Variants in LIPI observed in about 807,000 individuals in gnomAD.
The protein encoded by LIPI is lipase I.
LIPI carries 59 observed loss-of-function variants against 50.6 expected under a neutral mutation model. The observed-to-expected ratio is 1.16, with a 90% CI of 0.94 to 1.45. LIPI has a LOEUF of 1.45. Ranked by LOEUF, LIPI falls within the 40% of genes most tolerant of loss-of-function variation. LIPI has a pLI of 0.00. For synonymous variants in LIPI, 203 were observed against 178.2 expected (o/e 1.14, Z -1.11); for missense variants, 586 against 536.3 (o/e 1.09, Z -0.92).
intron 5 of LIPI, among the ~76,000 whole-genome samples, chr21:14,165,982 A>G (rs542162876): frequency 3.5e-4 from 54 of 152,332 alleles, no homozygotes; most frequent in Non-Finnish European, 4.9e-4. Flanking sequence ...TCAAGTGTCA[A>G]GAGTTTTTAC....
chr21:14,152,533 A>G (rs771064030), intron 8 of LIPI, 40 bp downstream of exon 8: 1 of 983,072 alleles, frequency 1.0e-6, no homozygotes, highest in Non-Finnish European at 1.6e-6. Flanking sequence ...GAAAGCAAAC[A>G]TTGAATATAT....
At chr21:14,114,273 C>T (rs746429571) in intron 9 of LIPI, among the ~76,000 whole-genome samples, 5 of 152,086 alleles carry the variant, frequency 3.3e-5, no homozygotes, top group Non-Finnish European at 7.4e-5. Context: ...CAATTATCTC[C>T]ACCAGGTCCC....
rs138210312 is a variant in LIPI, at chr21:14,158,655, A to T, written c.1006+4764T>A. Among the ~76,000 whole-genome samples the T allele has an allele frequency of 3.6e-3, 541 of 149,292 alleles. 4 individuals carry two copies. The highest frequency in any genetic ancestry group is 0.012 in the African/African-American group (509 of 41,162). ...TATATATATAGAGAGAGAACAAAGC[A>T]GAAATTAATGAAATTTAATAACAGA... On this transcript the variant is annotated intron_variant, in intron 7 of 9. Transcript: ENST00000681601.
chr21:14,158,613 A>G (rs1337073389), intron 7 of LIPI, among the ~76,000 whole-genome samples: 1 of 148,618 alleles, frequency 6.7e-6, no homozygotes, highest in East Asian at 1.9e-4. Flanking sequence ...TAAAATATAT[A>G]TATGTGTGTG....
chr21:14,161,232 G>A (rs2018449531), intron 7 of LIPI, among the ~76,000 whole-genome samples: 1 of 149,836 alleles, frequency 6.7e-6, no homozygotes, highest in Non-Finnish European at 1.5e-5. Context: ...TCTTCAACAG[G>A]TGATTGGTTA....
At chr21:14,137,326 A>C (rs2123028518) in intron 9 of LIPI, among the ~76,000 whole-genome samples, 1 of 152,334 alleles carries the variant, frequency 6.6e-6, no homozygotes, top group African/African-American at 2.4e-5. Flanking sequence ...GGAAACTAAA[A>C]GGAATTCAAA....
chr21:14,140,947 T>C (rs1303531454), intron 9 of LIPI, among the ~76,000 whole-genome samples: 1 of 152,170 alleles, frequency 6.6e-6, no homozygotes, highest in Non-Finnish European at 1.5e-5. Flanking sequence ...GTTAATCTTG[T>C]AGGTGCATTT....
At chr21:14,117,513 G>A (rs141943270) in intron 9 of LIPI, among the ~76,000 whole-genome samples, 124 of 152,284 alleles carry the variant, frequency 8.1e-4, no homozygotes, top group African/African-American at 2.9e-3. Flanking sequence ...CCCAAGGGCT[G>A]CTAAACTTTC....
intron 9 of LIPI, among the ~76,000 whole-genome samples, chr21:14,116,468 G>A (rs183736308): frequency 6.6e-6 from 1 of 152,240 alleles, no homozygotes; most frequent in Admixed American, 6.5e-5. Context: ...CTGTGAGGGA[G>A]GAAATTGGAG....
chr21:14,156,737 T>G (rs964825402), intron 7 of LIPI, among the ~76,000 whole-genome samples: 4 of 151,888 alleles, frequency 2.6e-5, no homozygotes, highest in African/African-American at 9.7e-5. Context: ...TGGAAAAATT[T>G]TTAGGAACAT....
Position 14,134,626 on chromosome 21 carries a change from G to A in LIPI, c.1295+9997C>T, listed in dbSNP as rs148925687. 4.0e-3 allele frequency among the ~76,000 whole-genome samples: 602 copies of A among 152,150 alleles called. 6 individuals are homozygous for A. Among genetic ancestry groups the A allele is most frequent in the African/African-American group, 0.014 (570 of 41,536 alleles). On this transcript the variant is annotated intron_variant, in intron 9 of 9. Coordinates refer to ENST00000681601, the MANE Select transcript of LIPI (RefSeq NM_001302998.2). ...TCAATGGAACAGAATAGAGAACACA[G>A]TAATAAAGCCATACCCTACAACCAA... is the stretch of plus-strand genomic sequence containing the variant.
At chr21:14,118,553 T>G (rs1412267111) in intron 9 of LIPI, among the ~76,000 whole-genome samples, 1 of 152,158 alleles carries the variant, frequency 6.6e-6, no homozygotes, top group Non-Finnish European at 1.5e-5. Context: ...AGATAGGACC[T>G]TAAGCCTAAG....
rs3048482 is a variant in LIPI at position 14,146,772 on chromosome 21, A to ATTTTTTTTTTTTTTT, written c.1119-1988_1119-1974dup. Among the ~76,000 whole-genome samples, 79 of 73,384 alleles carry ATTTTTTTTTTTTTTT rather than the reference A, an allele frequency of 1.1e-3. 18 individuals are homozygous for ATTTTTTTTTTTTTTT. The highest frequency in any genetic ancestry group is 3.8e-3 in the African/African-American group (63 of 16,548). The allele number at this position is 73,384 out of a possible 152,430, so 48.1% of individuals were successfully genotyped here. A position where few individuals can be genotyped will look rare whatever the true frequency, so the allele number is the denominator to read the frequency against. Reference sequence around the variant, plus strand: ...TCTCTTTCTTACTTTCCCAGTCTCTATTTTTTTTTTTTTTTTTTTTTTTTT... The same window carrying ATTTTTTTTTTTTTTT: ...TCTCTTTCTTACTTTCCCAGTCTCTATTTTTTTTTTTTTTTTTTTTTTTTTTTTTTTTTTTTTTTT... On this transcript the variant is annotated intron_variant, in intron 8 of 9. Transcript: ENST00000681601.
Position 14,163,275 on chromosome 21 carries a change from TCC to T in LIPI, c.1006+142_1006+143del, listed in dbSNP as rs1489951031. The T allele has an allele frequency of 2.1e-5, 12 of 563,318 alleles. No individual in the cohort carries two copies. In the East Asian group the frequency reaches 3.6e-4, roughly 17 times the overall value. The allele number at this position is 563,318 out of a possible 1,614,324, so 34.9% of individuals were successfully genotyped here. A position where few individuals can be genotyped will look rare whatever the true frequency, so the allele number is the denominator to read the frequency against. ...AAGATCAAGTCCTTAGTTGAATTTG[TCC>T]CACTGGCTATAGCAAATTTTAAATT... On this transcript the variant is annotated intron_variant, in intron 7 of 9. Coordinates refer to ENST00000681601, the MANE Select transcript of LIPI (RefSeq NM_001302998.2).
chr21:14,161,974 C>T (rs567681533), intron 7 of LIPI, among the ~76,000 whole-genome samples: 3 of 141,984 alleles, frequency 2.1e-5, no homozygotes, highest in South Asian at 4.3e-4. Context: ...AGCATAATTC[C>T]CTGGAGGTTC....
At chr21:14,206,791 GA>G (rs2020238044) in intron 1 of LIPI, 2 of 1,356,666 alleles carry the variant, frequency 1.5e-6, no homozygotes, top group Admixed American at 3.5e-5. Context: ...TATATATGAA[GA>G]AAGTGAAGTT....
In LIPI at chr21:14,191,240, A is replaced by G. The variant is rs898337169; in HGVS notation, c.47-1821T>C. Among the ~76,000 whole-genome samples the G allele has an allele frequency of 7.4e-4, 112 of 151,032 alleles. 1 individual carries two copies. The South Asian group carries it at 9.4e-3, about 13-fold the overall frequency. On this transcript the variant is annotated intron_variant, in intron 1 of 9. Transcript: ENST00000681601. Reference sequence around the variant, plus strand: ...AAAACTACAAAAAATAGCCGGGCGTAGTGGCGGGCGCCTGTAGTCCTAGCT... The same window carrying G: ...AAAACTACAAAAAATAGCCGGGCGTGGTGGCGGGCGCCTGTAGTCCTAGCT...
intron 9 of LIPI, among the ~76,000 whole-genome samples, chr21:14,138,739 G>T (rs980351574): frequency 9.9e-5 from 15 of 151,988 alleles, no homozygotes; most frequent in Admixed American, 9.2e-4. Flanking sequence ...TTATTGAGCA[G>T]TCGATTTATT....
At chr21:14,122,553 G>A (rs1432875736) in intron 9 of LIPI, among the ~76,000 whole-genome samples, 1 of 152,156 alleles carries the variant, frequency 6.6e-6, no homozygotes, top group Non-Finnish European at 1.5e-5. Context: ...CAAGAACTTA[G>A]GACAAGAAAG....
Sources: allele counts gnomAD v4.1 joint callset (sites outside exome capture counted in the v4.1 genomes callset), GRCh38; gene constraint gnomAD v4.1.1; transcripts MANE v1.5; gene names NCBI Gene and HGNC (gene_info 2026-07-23, HGNC 2026-07-21).